GLG1: variants seen among roughly 807,000 people sequenced by gnomAD.
GLG1 encodes golgi glycoprotein 1.
A neutral mutation model predicts 160.5 loss-of-function variants in GLG1; 38 were observed. The ratio of observed to expected loss-of-function variants is 0.24; its 90% CI spans 0.18 to 0.31. GLG1 has a LOEUF of 0.31. Ranked by LOEUF, GLG1 falls within the 10% of genes least tolerant of loss-of-function variation. The pLI is 1.00. For synonymous variants in GLG1, 644 were observed against 543.4 expected (o/e 1.19, Z -2.57); for missense variants, 1,373 against 1,505.2 (o/e 0.91, Z 1.45).
Position 74,491,184 on chromosome 16 carries a change from C to T in GLG1, c.1266G>A (p.Glu422=), listed in dbSNP as rs939430013. ...TCAACATGCGTCGGTAATCCAGCAT[C>T]TCCCCCTGGCACTCACTGCTGACTT... ...GRQVSSECQG[E]MLDYRRMLME... is the part of the protein sequence containing the mutation. Residue 422 remains glutamate, a synonymous_variant, in exon 8 of 26, where the codon GAG becomes GAA. Transcript: ENST00000422840. 4 of 1,613,948 alleles carry T rather than the reference C, an allele frequency of 2.5e-6. No individual in the cohort carries two copies. The African/African-American group carries it at 5.3e-5, about 22-fold the overall frequency.
chr16:74,467,883 G>C lies in GLG1; in HGVS notation c.2437-35C>G, dbSNP rs1202807834. The C allele has an allele frequency of 3.6e-6, 5 of 1,382,658 alleles. No individual in the cohort carries two copies. The African/African-American group carries it at 5.7e-5, about 16-fold the overall frequency. 85.6% of individuals were successfully genotyped at this position (1,382,658 alleles called of 1,614,324 possible). A position where few individuals can be genotyped will look rare whatever the true frequency, so the allele number is the denominator to read the frequency against. On this transcript the variant is annotated intron_variant, in intron 17 of 25. Transcript: ENST00000422840. ...GGAGCCAGCATGGAAAGGTGAGCTT[G>C]GTTTAGGCTGGAGATGTCATATGTT...
intron 1 of GLG1, among the ~76,000 whole-genome samples, chr16:74,597,569 A>G (rs1429382245): frequency 1.3e-5 from 2 of 151,888 alleles, no homozygotes; most frequent in Non-Finnish European, 2.9e-5. Flanking sequence ...AAAAACAAAA[A>G]TTAGCCGGGC....
chr16:74,552,448 A>C (rs376473782), intron 1 of GLG1: 1 of 530,442 alleles, frequency 1.9e-6, no homozygotes. Flanking sequence ...TTGTCTGGAG[A>C]CATTTCTACT....
At chr16:74,453,691 T>C (rs1414730401) in intron 25 of GLG1, among the ~76,000 whole-genome samples, 1 of 152,046 alleles carries the variant, frequency 6.6e-6, no homozygotes, top group Non-Finnish European at 1.5e-5. Context: ...AGCAAGCAGA[T>C]TTCACCACTC....
intron 1 of GLG1, among the ~76,000 whole-genome samples, chr16:74,559,700 A>G (rs991760368): frequency 6.6e-6 from 1 of 151,712 alleles, no homozygotes; most frequent in African/African-American, 2.4e-5. Flanking sequence ...ACTCATTCCC[A>G]CCGAGATTAC....
intron 1 of GLG1, among the ~76,000 whole-genome samples, chr16:74,594,661 G>C (rs938078401): frequency 6.6e-6 from 1 of 152,154 alleles, no homozygotes; most frequent in Non-Finnish European, 1.5e-5. Flanking sequence ...TCAAGTGGAA[G>C]GAGCTAAAGC....
At chr16:74,503,456 C>G (rs1740785668) in intron 4 of GLG1, 75 bp downstream of exon 4, 2 of 997,156 alleles carry the variant, frequency 2.0e-6, no homozygotes, top group Admixed American at 3.5e-5. Flanking sequence ...AAATTTTTCC[C>G]ATGTCAGTTA....
chr16:74,606,159 A>G (rs80302306), intron 1 of GLG1, among the ~76,000 whole-genome samples: 1,985 of 152,344 alleles, frequency 0.013, 21 homozygotes, highest in Middle Eastern at 0.027. Context: ...AGTGAAGAAA[A>G]CAAAGCATAC....
intron 1 of GLG1, among the ~76,000 whole-genome samples, chr16:74,550,512 C>T (rs1331338378): frequency 6.6e-6 from 1 of 151,826 alleles, no homozygotes; most frequent in East Asian, 1.9e-4. Flanking sequence ...CATGGGCAGG[C>T]GAGAAGATGC....
At chr16:74,523,603 T>A (rs1246825214) in intron 2 of GLG1, among the ~76,000 whole-genome samples, 1 of 152,140 alleles carries the variant, frequency 6.6e-6, no homozygotes, top group Non-Finnish European at 1.5e-5. Flanking sequence ...GCCTTCAAAT[T>A]TCTCTTAATA....
chr16:74,562,500 C>T (rs1432650227), intron 1 of GLG1, among the ~76,000 whole-genome samples: 3 of 152,188 alleles, frequency 2.0e-5, no homozygotes, highest in African/African-American at 7.2e-5. Context: ...CACTCTGTTG[C>T]CCAGGCTGGA....
At position 74,584,084 on chromosome 16, in the gene GLG1, C is replaced by A. The variant is rs768887748; in HGVS notation, c.438+22573G>T. ...AGCTTTCTCAGCGCCTTCAATTTTCCTCACTTCAATTCATAGTGCCCCGAG... is the reference window on the plus strand; with the variant it reads ...AGCTTTCTCAGCGCCTTCAATTTTCATCACTTCAATTCATAGTGCCCCGAG... On this transcript the variant is annotated intron_variant, in intron 1 of 25. Transcript: ENST00000422840. 2.0e-5 allele frequency among the ~76,000 whole-genome samples: 3 copies of A among 152,068 alleles called. No individual in the cohort carries two copies. The East Asian group carries it at 5.8e-4, about 29-fold the overall frequency.
At chr16:74,519,509 G>A (rs2017091961) in intron 2 of GLG1, among the ~76,000 whole-genome samples, 3 of 149,876 alleles carry the variant, frequency 2.0e-5, no homozygotes, top group South Asian at 4.2e-4. Flanking sequence ...TAGTACATAC[G>A]ATTATGTGCA....
intron 1 of GLG1, among the ~76,000 whole-genome samples, chr16:74,597,073 C>T (rs1658752223): frequency 6.6e-6 from 1 of 151,896 alleles, no homozygotes; most frequent in Admixed American, 6.6e-5. Flanking sequence ...GAATCATGAT[C>T]ATGCCACTGC....
chr16:74,496,513 T>C lies in GLG1; in HGVS notation c.906A>G (p.Ser302=). 3.7e-6 allele frequency: 6 copies of C among 1,614,068 alleles called. No individual in the cohort carries two copies. The highest frequency in any genetic ancestry group is 3.3e-4 in the Middle Eastern group (2 of 6,062). Residue 302 remains serine, a synonymous_variant, in exon 5 of 26, where the codon TCA becomes TCG. Coordinates refer to ENST00000422840, the MANE Select transcript of GLG1 (RefSeq NM_001145667.2). ...KKAILRVAEL[S]SDDFHLDRHL... is the part of the protein sequence containing the mutation. Reference sequence around the variant, plus strand: ...GCCGGTCTAAGTGAAAGTCATCCGATGACAGCTCAGCCACCCGGAGAATGG... The same window carrying C: ...GCCGGTCTAAGTGAAAGTCATCCGACGACAGCTCAGCCACCCGGAGAATGG...
At chr16:74,518,309 G>T (rs919385905) in intron 2 of GLG1, among the ~76,000 whole-genome samples, 1 of 152,094 alleles carries the variant, frequency 6.6e-6, no homozygotes, top group Non-Finnish European at 1.5e-5. Context: ...ATACTACAAG[G>T]CTAAAGTAAC....
chr16:74,516,566 G>C (rs1365352643), intron 2 of GLG1, among the ~76,000 whole-genome samples: 1 of 152,130 alleles, frequency 6.6e-6, no homozygotes, highest in Non-Finnish European at 1.5e-5. Flanking sequence ...GTGTGTAGAG[G>C]GAAATTTACA....
chr16:74,524,144 G>C (rs138135465), intron 2 of GLG1, among the ~76,000 whole-genome samples: 19,577 of 152,088 alleles, frequency 0.13, 1,431 homozygotes, highest in Middle Eastern at 0.17. Flanking sequence ...AGGAGGTGGA[G>C]ACTGCAGTGA....
intron 1 of GLG1, among the ~76,000 whole-genome samples, chr16:74,604,555 G>A (rs916671390): frequency 2.0e-5 from 3 of 152,234 alleles, no homozygotes; most frequent in African/African-American, 7.2e-5. Flanking sequence ...TGCATGCAAA[G>A]GGACAGAAAA....
Sources: gnomAD v4.1 joint callset for allele counts (sites outside exome capture counted in the v4.1 genomes callset) on GRCh38, gnomAD v4.1.1 for gene constraint, MANE v1.5 for transcripts, NCBI Gene and HGNC (gene_info 2026-07-23, HGNC 2026-07-21) for gene names.